The following RPS6KA2 variants were observed in gnomAD, a reference collection of about 807,000 sequenced individuals.
The protein encoded by RPS6KA2 is ribosomal protein S6 kinase alpha-2.
RPS6KA2 carries 42 observed loss-of-function variants against 91.8 expected under a neutral mutation model. That is an observed-to-expected ratio of 0.46 (90% confidence interval 0.36 to 0.59). The LOEUF (loss-of-function observed/expected upper bound fraction) is 0.59. Ranked by LOEUF, RPS6KA2 falls within the 20% of genes least tolerant of loss-of-function variation. The pLI, the probability that RPS6KA2 is intolerant of heterozygous loss-of-function variation, is 0.00. For missense variants in RPS6KA2, 798 were observed against 978.5 expected (o/e 0.82, Z 2.46); for synonymous variants, 414 against 393.6 (o/e 1.05, Z -0.61).
At chr6:166,529,749 G>C (rs1375192234) in intron 3 of RPS6KA2, among the ~76,000 whole-genome samples, 1 of 152,212 alleles carries the variant, frequency 6.6e-6, no homozygotes, top group African/African-American at 2.4e-5. Flanking sequence ...TCTACAAGAT[G>C]ATGATTCAGT....
At chr6:166,415,783 C>A (rs1174634946) in intron 19 of RPS6KA2, among the ~76,000 whole-genome samples, 1 of 152,074 alleles carries the variant, frequency 6.6e-6, no homozygotes, top group Non-Finnish European at 1.5e-5. Flanking sequence ...CAGGGTCTGA[C>A]ATCTGGGATA....
intron 2 of RPS6KA2, among the ~76,000 whole-genome samples, chr6:166,667,801 C>G (rs1788356443): frequency 6.6e-6 from 1 of 152,180 alleles, no homozygotes; most frequent in African/African-American, 2.4e-5. Context: ...TGAGGTAAAA[C>G]CTGAAGACAA....
intron 14 of RPS6KA2, among the ~76,000 whole-genome samples, chr6:166,447,956 T>G (rs1362419210): frequency 6.6e-6 from 1 of 152,212 alleles, no homozygotes; most frequent in Non-Finnish European, 1.5e-5. Context: ...AATGTATCTT[T>G]TTTTAACATA....
At chr6:166,696,719 G>A (rs966122393) in intron 2 of RPS6KA2, among the ~76,000 whole-genome samples, 1 of 152,162 alleles carries the variant, frequency 6.6e-6, no homozygotes, top group Non-Finnish European at 1.5e-5. Context: ...TCCAATGTGG[G>A]TGGGTCTCAC....
intron 2 of RPS6KA2, among the ~76,000 whole-genome samples, chr6:166,829,148 C>T (rs1290219377): frequency 6.6e-6 from 1 of 152,180 alleles, no homozygotes; most frequent in African/African-American, 2.4e-5. Context: ...CACCACTTCA[C>T]TCCCATTGGT....
chr6:166,548,732 C>T lies in RPS6KA2; in HGVS notation c.100-9948G>A, dbSNP rs561353211. Among the ~76,000 whole-genome samples, 8 of 152,268 alleles carry T rather than the reference C, an allele frequency of 5.3e-5. No homozygotes were observed. In the South Asian group the frequency reaches 1.7e-3, roughly 32 times the overall value. On this transcript the variant is annotated intron_variant, in intron 1 of 20. Coordinates refer to ENST00000265678, the MANE Select transcript of RPS6KA2 (RefSeq NM_021135.6). ...ATATAAAACATAAACTACAAAACTT[C>T]TAGAAGAAAACATAGGGGAAAATTG...
intron 1 of RPS6KA2, among the ~76,000 whole-genome samples, chr6:166,562,613 A>G (rs1010093506): frequency 1.6e-4 from 24 of 152,244 alleles, no homozygotes; most frequent in African/African-American, 5.5e-4. Flanking sequence ...CCCGGCTGCT[A>G]CTAAGCCTTG....
chr6:166,576,964 C>T (rs1245230330), intron 1 of RPS6KA2, among the ~76,000 whole-genome samples: 1 of 151,412 alleles, frequency 6.6e-6, no homozygotes, highest in Non-Finnish European at 1.5e-5. Context: ...AGCCTAGGGA[C>T]TTGGTGCCCT....
rs957785730 is a variant in RPS6KA2 at position 166,416,373 on chromosome 6, A to G, written c.1938+1852T>C. On this transcript the variant is annotated intron_variant, in intron 19 of 20. Coordinates refer to ENST00000265678, the MANE Select transcript of RPS6KA2 (RefSeq NM_021135.6). ...CATTATCTTCACCATCACCTCCACT[A>G]TCATCTCTGCCATTACCCTCATTAG... Among the ~76,000 whole-genome samples the G allele has an allele frequency of 2.7e-5, 4 of 149,022 alleles. No individual in the cohort carries two copies. In the East Asian group the frequency reaches 6.0e-4, roughly 23 times the overall value.
intron 1 of RPS6KA2, among the ~76,000 whole-genome samples, chr6:166,625,875 T>C (rs1039186273): frequency 2.6e-5 from 4 of 152,214 alleles, no homozygotes; most frequent in Non-Finnish European, 5.9e-5. Flanking sequence ...TTTAAACAAG[T>C]AATTCTCTTC....
chr6:166,540,533 T>C (rs1262110911), intron 1 of RPS6KA2, among the ~76,000 whole-genome samples: 1 of 152,266 alleles, frequency 6.6e-6, no homozygotes, highest in South Asian at 2.1e-4. Context: ...ATGAGTGCAG[T>C]TGGAAGATAC....
intron 9 of RPS6KA2, among the ~76,000 whole-genome samples, chr6:166,489,206 A>G (rs762857739): frequency 6.6e-6 from 1 of 151,856 alleles, no homozygotes. Context: ...TTATTAATAA[A>G]CATTATTTAA....
chr6:166,709,357 T>G (rs4710083), intron 2 of RPS6KA2, among the ~76,000 whole-genome samples: 137,544 of 151,570 alleles, frequency 0.91, 62,523 homozygotes, highest in East Asian at 0.96. Flanking sequence ...GCTGAGTAAG[T>G]TGGCTCACGC....
intron 7 of RPS6KA2, among the ~76,000 whole-genome samples, 199 bp from the exon 8 acceptor site, chr6:166,498,849 C>T (rs894595950): frequency 4.6e-5 from 7 of 152,148 alleles, no homozygotes; most frequent in South Asian, 2.1e-4. Flanking sequence ...TGCCTGAAGC[C>T]GAAATCCTCA....
At chr6:166,702,934 G>C (rs1248375440) in intron 2 of RPS6KA2, 2 of 623,362 alleles carry the variant, frequency 3.2e-6, no homozygotes, top group Non-Finnish European at 5.7e-6. Context: ...TGTTCCCCTC[G>C]TCTTCTCGCC....
rs114614543 is a variant in RPS6KA2 at position 166,448,159 on chromosome 6, T to C, written c.1332+565A>G. ...GTTTCTCTATACTGTTCTTGACGGT[T>C]GGGAGTAAAACCATTAGCTCTCTGC... On this transcript the variant is annotated intron_variant, in intron 14 of 20. Coordinates refer to ENST00000265678, the MANE Select transcript of RPS6KA2 (RefSeq NM_021135.6). This position sits in a 1 kb window ranked among gnomAD's most constrained non-coding sequence, Gnocchi z 4.7. Among the ~76,000 whole-genome samples, 890 of 152,348 alleles carry C rather than the reference T, an allele frequency of 5.8e-3. 6 individuals carry two copies. Among genetic ancestry groups the C allele is most frequent in the African/African-American group, 0.02 (838 of 41,578 alleles).
At chr6:166,413,106 C>T (rs968849385) in intron 20 of RPS6KA2, among the ~76,000 whole-genome samples, 1 of 152,090 alleles carries the variant, frequency 6.6e-6, no homozygotes. Flanking sequence ...CCTGCCCCCC[C>T]CACCCCATGC....
At chr6:166,738,648 C>G (rs1183402496) in intron 2 of RPS6KA2, among the ~76,000 whole-genome samples, 1 of 152,110 alleles carries the variant, frequency 6.6e-6, no homozygotes, top group Non-Finnish European at 1.5e-5. Context: ...AGTATTGTTC[C>G]CATTTTACAT....
At chr6:166,791,481 C>A (rs1445826319) in intron 2 of RPS6KA2, among the ~76,000 whole-genome samples, 2 of 152,142 alleles carry the variant, frequency 1.3e-5, no homozygotes, top group East Asian at 3.8e-4. Flanking sequence ...ACAAGGATAT[C>A]CAGGAATTGA....
Sources: gnomAD v4.1 joint callset for allele counts (sites outside exome capture counted in the v4.1 genomes callset) on GRCh38, gnomAD v4.1.1 for gene constraint, Gnocchi (gnomAD v3.1) non-coding constraint, MANE v1.5 for transcripts, NCBI Gene and HGNC (gene_info 2026-07-23, HGNC 2026-07-21) for gene names.